The following CERS5 variants were observed in gnomAD, a reference collection of about 807,000 sequenced individuals.
CERS5 encodes the protein LAG1 homolog, ceramide synthase 5.
In CERS5, 37 loss-of-function variants were observed where a neutral mutation model predicts 58.9. That is an observed-to-expected ratio of 0.63 (90% CI 0.48 to 0.83). The LOEUF (loss-of-function observed/expected upper bound fraction) is 0.83. Ranked by LOEUF, CERS5 falls within the 40% of genes least tolerant of loss-of-function variation. The pLI is 0.00. For missense variants in CERS5, 398 were observed against 489.3 expected, an observed-to-expected ratio of 0.81 and a Z score of 1.76; for synonymous variants, 147 against 177.8, an observed-to-expected ratio of 0.83 and a Z score of 1.38.
intron 1 of CERS5, among the ~76,000 whole-genome samples, chr12:50,160,060 T>A (rs1203467249): frequency 6.6e-6 from 1 of 151,474 alleles, no homozygotes; most frequent in Non-Finnish European, 1.5e-5. Flanking sequence ...ATCCCAGCAC[T>A]TTGGGAGGCC....
chr12:50,143,404 C>CTTG (rs10690664), intron 2 of CERS5, 200 bp from the exon 3 acceptor site: 153,066 of 485,884 alleles, frequency 0.32, 29,039 homozygotes, highest in East Asian at 0.79. Flanking sequence ...TATACATATC[C>CTTG]TTTTGTCTCT....
At chr12:50,134,304 T>G in intron 9 of CERS5, 1 of 959,968 alleles carries the variant, frequency 1.0e-6, no homozygotes, top group Non-Finnish European at 1.4e-6. Context: ...CAAGCCCAGG[T>G]GTGAGGCTGC....
chr12:50,130,416 C>CTTCT lies in CERS5; in HGVS notation c.*125_*128dup. ...TTTTCTTTCAAAGTGAAAATATTTG[C>CTTCT]TTCTTTGATACTCCTCAGTGCCTTG... On this transcript the variant is annotated 3_prime_UTR_variant, in exon 10 of 10. Transcript: ENST00000317551. The CTTCT allele has an allele frequency of 3.8e-6, 3 of 792,166 alleles. No homozygotes were observed. Among genetic ancestry groups the CTTCT allele is most frequent in the South Asian group, 3.8e-5 (1 of 26,646 alleles). The allele number at this position is 792,166 out of a possible 1,614,324, so 49.1% of individuals were successfully genotyped here.
intron 6 of CERS5, among the ~76,000 whole-genome samples, chr12:50,137,053 T>A (rs12307172): frequency 0.01 from 1,592 of 152,310 alleles, 32 homozygotes; most frequent in African/African-American, 0.036. Context: ...TTCCCATAAA[T>A]GCTAACCCTG....
At chr12:50,134,408 C>T (rs748640733) in intron 9 of CERS5, 138 bp downstream of exon 9, 28 of 1,597,412 alleles carry the variant, frequency 1.8e-5, no homozygotes, top group Admixed American at 6.8e-5. Context: ...ACCGAAGAGG[C>T]GAAGACTTTG....
intron 9 of CERS5, chr12:50,133,067 A>G (rs1286359854): frequency 7.8e-7 from 1 of 1,288,826 alleles, no homozygotes; most frequent in African/African-American, 1.5e-5. Context: ...CAGGTCACCT[A>G]GTCAGGAAAG....
At position 50,129,505 on chromosome 12, in the gene CERS5, T is replaced by A. The variant is rs1951195668; in HGVS notation, c.*1040A>T. 1 of 148,852 alleles carries A rather than the reference T, an allele frequency of 6.7e-6. No homozygotes were observed. The highest frequency in any genetic ancestry group is 1.5e-5 in the Non-Finnish European group (1 of 66,902). The allele number at this position is 148,852 out of a possible 1,614,324, so 9.2% of individuals were successfully genotyped here. On this transcript the variant is annotated 3_prime_UTR_variant, in exon 10 of 10. Coordinates refer to ENST00000317551, the MANE Select transcript of CERS5 (RefSeq NM_147190.5). ...AGGAACTAAAAGTATGACCTAATTT[T>A]TTTTTTTTTTTTTTTTTTTAGACAG...
chr12:50,166,895 C>T (rs2138330500), intron 1 of CERS5, among the ~76,000 whole-genome samples: 1 of 152,330 alleles, frequency 6.6e-6, no homozygotes, highest in African/African-American at 2.4e-5. Flanking sequence ...GACCCTCACT[C>T]TTTCTCTTGC....
At chr12:50,145,586 A>T (rs1952223111) in intron 1 of CERS5, among the ~76,000 whole-genome samples, 1 of 152,162 alleles carries the variant, frequency 6.6e-6, no homozygotes, top group Non-Finnish European at 1.5e-5. Context: ...TTATCACCAA[A>T]GTTCCTGAGC....
intron 9 of CERS5, among the ~76,000 whole-genome samples, chr12:50,132,467 A>G (rs1951381019): frequency 6.6e-6 from 1 of 152,198 alleles, no homozygotes; most frequent in Non-Finnish European, 1.5e-5. Flanking sequence ...AAGAACAGAA[A>G]TCCAGTGAGA....
intron 1 of CERS5, 90 bp from the exon 2 acceptor site, chr12:50,144,147 A>C: frequency 1.3e-6 from 1 of 752,380 alleles, no homozygotes; most frequent in East Asian, 2.6e-5. Context: ...TATGGGGTAC[A>C]ATGTGATGTT....
chr12:50,156,423 T>C (rs1301554897), intron 1 of CERS5, among the ~76,000 whole-genome samples: 1 of 123,876 alleles, frequency 8.1e-6, no homozygotes, highest in Non-Finnish European at 1.7e-5. Context: ...AAACAAACTA[T>C]ATATATATAT....
chr12:50,144,791 T>C, intron 1 of CERS5: 1 of 1,528,194 alleles, frequency 6.5e-7, no homozygotes, highest in South Asian at 1.2e-5. Flanking sequence ...GGTTTCATCA[T>C]CTAAAAGAAG....
chr12:50,142,230 C>T, intron 3 of CERS5, 120 bp from the exon 4 acceptor site: 1 of 667,862 alleles, frequency 1.5e-6, no homozygotes, highest in Non-Finnish European at 2.6e-6. Flanking sequence ...AGGATCAATT[C>T]CTAGAATAGG....
intron 9 of CERS5, chr12:50,133,178 G>A (rs1951431718): frequency 8.3e-7 from 1 of 1,204,178 alleles, no homozygotes; most frequent in South Asian, 1.5e-5. Flanking sequence ...TAATGATGCA[G>A]GAGATCATCA....
chr12:50,148,927 A>AATATATAT (rs773368671), intron 1 of CERS5, among the ~76,000 whole-genome samples: 8 of 48,040 alleles, frequency 1.7e-4, no homozygotes, highest in East Asian at 1.1e-3. Flanking sequence ...AAAAAAAAAA[A>AATATATAT]ATATATATAT....
At chr12:50,159,721 G>A (rs1441908276) in intron 1 of CERS5, among the ~76,000 whole-genome samples, 1 of 151,972 alleles carries the variant, frequency 6.6e-6, no homozygotes, top group Non-Finnish European at 1.5e-5. Context: ...AGCCTCCTGA[G>A]TAGCTGGGAT....
At chr12:50,159,624 C>T (rs758169008) in intron 1 of CERS5, among the ~76,000 whole-genome samples, 11 of 152,080 alleles carry the variant, frequency 7.2e-5, no homozygotes, top group South Asian at 4.1e-4. Context: ...GACAGGGTCT[C>T]GCTCTGTTGC....
rs1412091503 is a variant in CERS5, at chr12:50,167,157, G to T, written c.141C>A (p.Ile47=). 6.3e-7 allele frequency: 1 copy of T among 1,596,486 alleles called. No individual in the cohort carries two copies. The highest frequency in any genetic ancestry group is 1.7e-5 in the Admixed American group (1 of 58,066). ...CCGCCGCCAGCGGGAACACCGAGAG[G>T]ATGTGCCGGCCGCGGGGGTAACCGT... ...DGYGYPRGRH[I]LSVFPLAAGI... is the part of the protein sequence containing the mutation. Residue 47 remains isoleucine (I), a synonymous_variant, in exon 1 of 10, where the codon ATC becomes ATA. Transcript: ENST00000317551.
Sources: gnomAD v4.1 joint callset for allele counts (sites outside exome capture counted in the v4.1 genomes callset) on GRCh38, gnomAD v4.1.1 for gene constraint, MANE v1.5 for transcripts, NCBI Gene and HGNC (gene_info 2026-07-23, HGNC 2026-07-21) for gene names.